The following ELF2 variants were observed in gnomAD, a reference collection of about 807,000 sequenced individuals.
ELF2 encodes the protein E74 like ETS transcription factor 2.
A neutral mutation model predicts 54.8 loss-of-function variants in ELF2; 11 were observed. The observed-to-expected ratio is 0.20, with a 90% CI of 0.13 to 0.33. ELF2 has a LOEUF of 0.33. ELF2 is among the 10% of genes least tolerant of loss of function. The pLI is 1.00. For synonymous variants in ELF2, 203 were observed against 245.1 expected (o/e 0.83, Z 1.61); for missense variants, 513 against 703.0 (o/e 0.73, Z 3.06).
intron 4 of ELF2, among the ~76,000 whole-genome samples, chr4:139,096,410 A>C (rs115034630): frequency 0.01 from 1,534 of 152,206 alleles, 13 homozygotes; most frequent in Middle Eastern, 0.02. Context: ...AAGATTAAAG[A>C]AATTGAATGG....
chr4:139,171,257 G>C (rs1001563462), intron 1 of ELF2, among the ~76,000 whole-genome samples: 3 of 152,110 alleles, frequency 2.0e-5, no homozygotes, highest in African/African-American at 7.2e-5. Context: ...AACCGGGCAT[G>C]GTGGTATGCA....
At chr4:139,152,875 TAAC>T (rs1204318040) in intron 1 of ELF2, among the ~76,000 whole-genome samples, 1 of 145,876 alleles carries the variant, frequency 6.9e-6, no homozygotes, top group African/African-American at 2.5e-5. Context: ...ACAGCATCAA[TAAC>T]AATAGTGTCA....
rs1740380707 is a variant in ELF2, at chr4:139,154,977, C to T, written c.-251-15480G>A. ...CTTCAAATATTGAAGCTCTCAAAAT[C>T]ATCTTCGGAGAAAGGCACAAACCTA... is the stretch of plus-strand genomic sequence containing the variant. On this transcript the variant is annotated intron_variant, in intron 1 of 9. Transcript: ENST00000686138. Among the ~76,000 whole-genome samples, 3 of 152,202 alleles carry T rather than the reference C, an allele frequency of 2.0e-5. No homozygotes were observed. In the South Asian group the frequency reaches 6.2e-4, roughly 31 times the overall value.
At chr4:139,116,750 C>T (rs1344317003) in intron 4 of ELF2, 1 of 984,952 alleles carries the variant, frequency 1.0e-6, no homozygotes, top group Non-Finnish European at 1.2e-6. Flanking sequence ...TCTTCTACCT[C>T]CCTGTGGCAA....
intron 4 of ELF2, among the ~76,000 whole-genome samples, chr4:139,079,700 T>C (rs1288935313): frequency 6.6e-6 from 1 of 152,146 alleles, no homozygotes; most frequent in African/African-American, 2.4e-5. Flanking sequence ...TCACCTGAGG[T>C]CAGGATTTCA....
rs1043444766 is a variant in ELF2 at position 139,057,388 on chromosome 4, T to A, written c.*1595A>T. On this transcript the variant is annotated 3_prime_UTR_variant, in exon 10 of 10. Transcript: ENST00000686138. ...ATTAAAAGACAAAAAATATTATGTA[T>A]GAGTTCATCTACATTTCTAAAACAT... is the stretch of plus-strand genomic sequence containing the variant. 1.2e-4 allele frequency: 18 copies of A among 152,214 alleles called. No homozygotes were observed. Among genetic ancestry groups the A allele is most frequent in the Non-Finnish European group, 2.2e-4 (15 of 68,028 alleles). The allele number at this position is 152,214 out of a possible 1,614,324, so 9.4% of individuals were successfully genotyped here.
chr4:139,104,463 C>T (rs1183201633), intron 4 of ELF2, among the ~76,000 whole-genome samples: 1 of 141,328 alleles, frequency 7.1e-6, no homozygotes, highest in Non-Finnish European at 1.5e-5. Context: ...GAGCTGAGAT[C>T]GTGCCACTGC....
intron 1 of ELF2, among the ~76,000 whole-genome samples, chr4:139,146,718 C>A (rs532992362): frequency 2.4e-4 from 37 of 152,000 alleles, no homozygotes; most frequent in Middle Eastern, 6.3e-3. Flanking sequence ...GAAATAAAAC[C>A]AAATATCCAC....
chr4:139,075,554 T>A (rs1461335941), intron 4 of ELF2, among the ~76,000 whole-genome samples: 1 of 152,140 alleles, frequency 6.6e-6, no homozygotes, highest in Non-Finnish European at 1.5e-5. Flanking sequence ...CTCAGCCTCC[T>A]GAGTAGCTGG....
At position 139,059,224 on chromosome 4, in the gene ELF2, G is replaced by C. The variant is rs769494640; in HGVS notation, c.1541C>G (p.Thr514Ser). The change falls in exon 10 of 10, where the codon ACT becomes AGT. Residue 514 changes from threonine to serine, a missense_variant. Around this residue, in one of 3 missense-constraint regions of ELF2, gnomAD observed 291 missense variants for 366.1 expected, o/e 0.79. Transcript: ENST00000686138. ...AGGAGTCTGGCCAGATGCCTGCTGA[G>C]TAGGCATTGATAGTCTCATTACAGG... ...GTPVMRLSMPTQQASGQTPPR... is the reference protein window; with the variant it reads ...GTPVMRLSMPSQQASGQTPPR... 2 of 1,613,946 alleles carry C rather than the reference G, an allele frequency of 1.2e-6. No individual in the cohort carries two copies. The highest frequency in any genetic ancestry group is 4.5e-5 in the East Asian group (2 of 44,880).
intron 3 of ELF2, chr4:139,137,299 G>A (rs1738281532): frequency 4.1e-6 from 1 of 243,274 alleles, no homozygotes. Flanking sequence ...TAGGTATTTG[G>A]GCATAGTATA....
rs751951448 is a variant in ELF2 at position 139,060,545 on chromosome 4, T to G, written c.936A>C (p.Ala312=). The G allele has an allele frequency of 2.2e-5, 36 of 1,614,138 alleles. No individual in the cohort carries two copies. Among genetic ancestry groups the G allele is most frequent in the Non-Finnish European group, 2.7e-5 (32 of 1,180,046 alleles). ...CTAATGATTTTTCATCAGTAGTTCCTGCTAAATCTTCATTACAGGTTTCAC... is the reference window on the plus strand; with the variant it reads ...CTAATGATTTTTCATCAGTAGTTCCGGCTAAATCTTCATTACAGGTTTCAC... ...DKSETCNEDL[A]GTTDEKSLER... is the part of the protein sequence containing the mutation. Residue 312 remains alanine (A), a synonymous_variant, in exon 9 of 10, where the codon GCA becomes GCC. Coordinates refer to ENST00000686138, the MANE Select transcript of ELF2 (RefSeq NM_001331036.3).
Position 139,148,508 on chromosome 4 carries a change from C to T in ELF2, c.-251-9011G>A, listed in dbSNP as rs1196638904. 2.0e-5 allele frequency among the ~76,000 whole-genome samples: 3 copies of T among 151,714 alleles called. No homozygotes were observed. The East Asian group carries it at 5.8e-4, about 29-fold the overall frequency. On this transcript the variant is annotated intron_variant, in intron 1 of 9. Transcript: ENST00000686138. ...GTGGTCTTTTGTGACTGGCTTCTTTCACTTACAATAAAGTTTTCAAGGTTC... is the reference window on the plus strand; with the variant it reads ...GTGGTCTTTTGTGACTGGCTTCTTTTACTTACAATAAAGTTTTCAAGGTTC...
intron 1 of ELF2, among the ~76,000 whole-genome samples, chr4:139,156,606 A>G (rs1166703850): frequency 6.6e-6 from 1 of 150,624 alleles, no homozygotes; most frequent in Non-Finnish European, 1.5e-5. Flanking sequence ...AGATATATAT[A>G]TATATATTTG....
chr4:139,058,009 A>T lies in ELF2; in HGVS notation c.*974T>A, dbSNP rs1727262304. ...GTATTTCCCTCATAAACTTCAACTA[A>T]AAAAAAGAAAAAAAAACAAAGAAAA... On this transcript the variant is annotated 3_prime_UTR_variant, in exon 10 of 10. Transcript: ENST00000686138. The T allele has an allele frequency of 6.6e-6, 1 of 152,490 alleles. No homozygotes were observed. 9.4% of individuals were successfully genotyped at this position (152,490 alleles called of 1,614,324 possible).
At chr4:139,072,932 C>G (rs1729731714) in intron 5 of ELF2, among the ~76,000 whole-genome samples, 1 of 152,052 alleles carries the variant, frequency 6.6e-6, no homozygotes, top group Admixed American at 6.5e-5. Context: ...AAAATTAGGA[C>G]AAATCAGGAT....
chr4:139,154,067 G>C (rs1047404966), intron 1 of ELF2, among the ~76,000 whole-genome samples: 1 of 152,028 alleles, frequency 6.6e-6, no homozygotes. Context: ...CTTTTGCCTG[G>C]GTACATCCTC....
chr4:139,085,208 A>G (rs1731843925), intron 4 of ELF2, among the ~76,000 whole-genome samples: 1 of 152,250 alleles, frequency 6.6e-6, no homozygotes, highest in Admixed American at 6.5e-5. Flanking sequence ...TGAACACAGG[A>G]AATCAAACCA....
At position 139,146,183 on chromosome 4, in the gene ELF2, G is replaced by C. The variant is rs142128307; in HGVS notation, c.-251-6686C>G. Reference sequence around the variant, plus strand: ...ATAAGTGAATTTAGTAAAATCTTAGGTTACAAAGTCAATGAACACAAATCC... The same window carrying C: ...ATAAGTGAATTTAGTAAAATCTTAGCTTACAAAGTCAATGAACACAAATCC... On this transcript the variant is annotated intron_variant, in intron 1 of 9. Transcript: ENST00000686138. Among the ~76,000 whole-genome samples the C allele has an allele frequency of 3.6e-3, 549 of 152,236 alleles. 14 individuals carry two copies. The highest frequency in any genetic ancestry group is 0.031 in the Admixed American group (474 of 15,288).
Sources: allele counts gnomAD v4.1 joint callset (sites outside exome capture counted in the v4.1 genomes callset), GRCh38; gene constraint gnomAD v4.1.1; regional missense constraint gnomAD v4.1.1; transcripts MANE v1.5; gene names NCBI Gene and HGNC (gene_info 2026-07-23, HGNC 2026-07-21).